The following ATAD2B variants were observed in gnomAD, a reference collection of about 807,000 sequenced individuals.
The protein encoded by ATAD2B is ATPase family AAA domain containing 2B, also known as ATPase family AAA domain-containing protein 2B.
Under a neutral mutation model 167.6 loss-of-function variants are expected in ATAD2B, and 40 were observed. That is an observed-to-expected ratio of 0.24 (90% confidence interval 0.19 to 0.31). ATAD2B has a LOEUF of 0.31. ATAD2B is among the 10% of genes least tolerant of loss of function. The pLI, the probability that ATAD2B is intolerant of heterozygous loss-of-function variation, is 1.00. For synonymous variants in ATAD2B, 579 were observed against 596.5 expected, an observed-to-expected ratio of 0.97 and a Z score of 0.43; for missense variants, 1,242 against 1,757.2, an observed-to-expected ratio of 0.71 and a Z score of 5.24.
At chr2:23,805,240 A>G (rs1330928147) in intron 18 of ATAD2B, among the ~76,000 whole-genome samples, 1 of 152,204 alleles carries the variant, frequency 6.6e-6, no homozygotes, top group Non-Finnish European at 1.5e-5. Context: ...AAACTTCAAA[A>G]AAGAGAATTT....
At chr2:23,736,746 C>T in the ATAD2B span, among the ~76,000 whole-genome samples, 1 of 152,160 alleles carries the variant, frequency 6.6e-6, no homozygotes, top group Admixed American at 6.5e-5. Flanking sequence ...GGGTGAGACA[C>T]CACCTCACCC....
intron 14 of ATAD2B, among the ~76,000 whole-genome samples, chr2:23,832,935 C>T (rs1366728205): frequency 3.3e-5 from 5 of 152,204 alleles, no homozygotes; most frequent in African/African-American, 1.2e-4. Context: ...CTATCTACTA[C>T]AAATAAACAC....
chr2:23,808,169 TGATA>T (rs1684945099), intron 18 of ATAD2B, among the ~76,000 whole-genome samples: 1 of 100,878 alleles, frequency 9.9e-6, no homozygotes, highest in African/African-American at 3.6e-5. Context: ...TATATATAAG[TGATA>T]TATATTTATA....
intron 21 of ATAD2B, among the ~76,000 whole-genome samples, chr2:23,784,011 G>A (rs1305728382): frequency 1.3e-5 from 2 of 152,038 alleles, no homozygotes; most frequent in African/African-American, 4.8e-5. Flanking sequence ...AGAAGTGTAT[G>A]TGTGCTTTAT....
the ATAD2B span, among the ~76,000 whole-genome samples, chr2:23,726,455 G>A: frequency 6.6e-6 from 1 of 152,098 alleles, no homozygotes; most frequent in African/African-American, 2.4e-5. Flanking sequence ...AAATAATAAT[G>A]AAGAGAAAAT....
In ATAD2B at chr2:23,769,076, G is replaced by A. The variant is rs565063994; in HGVS notation, c.3134-3448C>T. On this transcript the variant is annotated intron_variant, in intron 22 of 27. Coordinates refer to ENST00000238789, the MANE Select transcript of ATAD2B (RefSeq NM_017552.4). ...TGATAGGTACGGTTCTTCAGCAACC[G>A]CAGGGGATTGGTTCTAGGACCCCAT... 3.3e-5 allele frequency among the ~76,000 whole-genome samples: 5 copies of A among 152,222 alleles called. No individual in the cohort carries two copies. The South Asian group carries it at 6.2e-4, about 19-fold the overall frequency.
chr2:23,885,886 G>A (rs1573252290), intron 4 of ATAD2B, 57 bp from the exon 5 acceptor site: 1 of 1,012,522 alleles, frequency 9.9e-7, no homozygotes, highest in East Asian at 2.7e-5. Context: ...ATACATAAAA[G>A]AGCTCTTTGT....
chr2:23,926,450 G>C (rs1425797230), intron 1 of ATAD2B, 105 bp downstream of exon 1: 1 of 1,434,534 alleles, frequency 7.0e-7, no homozygotes, highest in African/African-American at 1.5e-5. Flanking sequence ...CCAGCCGCCC[G>C]AGCGGTCTCC....
At chr2:23,693,145 G>T in the ATAD2B span, 1 of 1,129,360 alleles carries the variant, frequency 8.9e-7, no homozygotes, top group Non-Finnish European at 1.2e-6. Context: ...CAGGGACTCT[G>T]GACACTGCAG....
intron 24 of ATAD2B, among the ~76,000 whole-genome samples, chr2:23,758,952 C>G (rs566368416): frequency 6.6e-6 from 1 of 152,068 alleles, no homozygotes; most frequent in East Asian, 1.9e-4. Context: ...ATTAATGGAC[C>G]CTGGAATTTT....
intron 2 of ATAD2B, among the ~76,000 whole-genome samples, chr2:23,895,405 A>G (rs1474194904): frequency 3.3e-5 from 5 of 152,116 alleles, no homozygotes; most frequent in Non-Finnish European, 7.4e-5. Context: ...AAAACAGGAT[A>G]ATAGATGAAA....
At chr2:23,905,683 T>C (rs541321959) in intron 1 of ATAD2B, among the ~76,000 whole-genome samples, 26 of 152,338 alleles carry the variant, frequency 1.7e-4, no homozygotes, top group Non-Finnish European at 3.4e-4. Context: ...ATTTTATACC[T>C]ACTGCCTCAC....
At chr2:23,696,195 C>A in the ATAD2B span, 1 of 1,509,086 alleles carries the variant, frequency 6.6e-7, no homozygotes, top group Non-Finnish European at 9.0e-7. This position sits in a 1 kb window ranked among gnomAD's most constrained non-coding sequence, Gnocchi z 5.5. Flanking sequence ...CTGCTCCCCA[C>A]GTCAGGGCTG....
At chr2:23,900,569 T>C (rs1052467725) in intron 1 of ATAD2B, 1 of 152,250 alleles carries the variant, frequency 6.6e-6, no homozygotes, top group Non-Finnish European at 1.5e-5. Flanking sequence ...CACCCTCAGA[T>C]CCACTGAATC....
At chr2:23,926,444 C>A (rs972782989) in intron 1 of ATAD2B, 111 bp downstream of exon 1, 2 of 1,432,274 alleles carry the variant, frequency 1.4e-6, no homozygotes, top group Non-Finnish European at 1.8e-6. Context: ...CTGTCTCCAG[C>A]CGCCCGAGCG....
the ATAD2B span, among the ~76,000 whole-genome samples, chr2:23,739,616 C>T: frequency 2.3e-3 from 346 of 152,172 alleles, no homozygotes; most frequent in African/African-American, 8.2e-3. Flanking sequence ...CTAAAATTGA[C>T]ACCCTAACAT....
At chr2:23,743,909 C>T (rs1674652411), downstream of ATAD2B, among the ~76,000 whole-genome samples, 1 of 152,020 alleles carries the variant, frequency 6.6e-6, no homozygotes, top group Non-Finnish European at 1.5e-5. Context: ...TAAAGGCGTG[C>T]TGGGTTCAAA....
intron 26 of ATAD2B, 133 bp from the exon 27 acceptor site, chr2:23,754,440 G>C: frequency 3.4e-6 from 4 of 1,162,406 alleles, no homozygotes; most frequent in East Asian, 2.6e-5. Flanking sequence ...AAAGATTTGA[G>C]GGCTTAAAAT....
In ATAD2B at chr2:23,917,575, G is replaced by A. The variant is rs985880026; in HGVS notation, c.216+8980C>T. On this transcript the variant is annotated intron_variant, in intron 1 of 27. Coordinates refer to ENST00000238789, the MANE Select transcript of ATAD2B (RefSeq NM_017552.4). ...GTATACCTCTAATAGAGACCACAAG[G>A]CCCAGACTCTCAGTCTGCTTACCGG... is the stretch of plus-strand genomic sequence containing the variant. Among the ~76,000 whole-genome samples the A allele has an allele frequency of 3.3e-5, 5 of 151,250 alleles. 1 individual carries two copies. In the South Asian group the frequency reaches 6.3e-4, roughly 19 times the overall value.
Sources: gnomAD v4.1 joint callset for allele counts (sites outside exome capture counted in the v4.1 genomes callset) on GRCh38, gnomAD v4.1.1 for gene constraint, Gnocchi (gnomAD v3.1) non-coding constraint, MANE v1.5 for transcripts, NCBI Gene and HGNC (gene_info 2026-07-23, HGNC 2026-07-21) for gene names.